Variants in ADAMTS2 observed in about 807,000 individuals in gnomAD.
ADAMTS2 encodes the protein A disintegrin and metalloproteinase with thrombospondin motifs 2.
ADAMTS2 carries 50 observed loss-of-function variants against 123.0 expected under a neutral mutation model. The ratio of observed to expected loss-of-function variants is 0.41; its 90% CI spans 0.32 to 0.51. The LOEUF (loss-of-function observed/expected upper bound fraction) is 0.51, where lower values mean the gene tolerates loss of function less well. ADAMTS2 is among the 20% of genes least tolerant of loss of function. The pLI, the probability that ADAMTS2 is intolerant of heterozygous loss-of-function variation, is 0.35. For missense variants in ADAMTS2, 1,494 were observed against 1,705.2 expected, an observed-to-expected ratio of 0.88 and a Z score of 2.18; for synonymous variants, 678 against 695.4, an observed-to-expected ratio of 0.98 and a Z score of 0.39.
chr5:179,281,149 C>T (rs778773984), intron 2 of ADAMTS2, among the ~76,000 whole-genome samples: 6 of 152,206 alleles, frequency 3.9e-5, no homozygotes, highest in Non-Finnish European at 7.3e-5. Context: ...TAAGCCATGG[C>T]GCCCGGCCAG....
At chr5:179,268,955 C>A (rs1766449132) in intron 3 of ADAMTS2, among the ~76,000 whole-genome samples, 1 of 152,204 alleles carries the variant, frequency 6.6e-6, no homozygotes. Flanking sequence ...GAGACGGGTA[C>A]CTTCTATGGG....
intron 2 of ADAMTS2, among the ~76,000 whole-genome samples, chr5:179,301,597 G>A (rs758421841): frequency 9.5e-4 from 145 of 152,236 alleles, no homozygotes; most frequent in Non-Finnish European, 4.1e-4. Context: ...CCCAGATGCC[G>A]CAGGGAGACA....
chr5:179,185,868 G>A lies in ADAMTS2; in HGVS notation c.892-4713C>T, dbSNP rs551627840. Among the ~76,000 whole-genome samples the A allele has an allele frequency of 6.6e-6, 1 of 152,126 alleles. No homozygotes were observed. Among genetic ancestry groups the A allele is most frequent in the African/African-American group, 2.4e-5 (1 of 41,504 alleles). ...GGAGATTAACTGGGGCTCCCTGGCT[G>A]CTGAGGAGCTAGAGAGGGCATGCCT... is the stretch of plus-strand genomic sequence containing the variant. On this transcript the variant is annotated intron_variant, in intron 4 of 21. Transcript: ENST00000251582. This position sits in a 1 kb window ranked among gnomAD's most constrained non-coding sequence, Gnocchi z 5.9.
Position 179,224,360 on chromosome 5 carries a change from C to T in ADAMTS2, c.689-16645G>A, listed in dbSNP as rs187687663. On this transcript the variant is annotated intron_variant, in intron 3 of 21. Coordinates refer to ENST00000251582, the MANE Select transcript of ADAMTS2 (RefSeq NM_014244.5). ...CACACCACAGCAATTCTCACTCGGG[C>T]CTCCCTGACCCTCGACCTGTGGGTC... is the stretch of plus-strand genomic sequence containing the variant. 5.2e-3 allele frequency among the ~76,000 whole-genome samples: 786 copies of T among 152,332 alleles called. 7 individuals are homozygous for T. Among genetic ancestry groups the T allele is most frequent in the African/African-American group, 0.018 (746 of 41,574 alleles).
At chr5:179,184,379 C>T (rs563089837) in intron 4 of ADAMTS2, among the ~76,000 whole-genome samples, 23 of 152,038 alleles carry the variant, frequency 1.5e-4, no homozygotes, top group Admixed American at 5.2e-4. Flanking sequence ...GGCATGGTGG[C>T]GAGCGCTTGT....
At chr5:179,120,734 G>C (rs1380658752) in intron 21 of ADAMTS2, 1 of 152,284 alleles carries the variant, frequency 6.6e-6, no homozygotes, top group East Asian at 2.0e-4. Flanking sequence ...ACTCCAGTCC[G>C]CGGAGACGGA....
chr5:179,248,416 C>A (rs553399610), intron 3 of ADAMTS2, among the ~76,000 whole-genome samples: 1 of 152,076 alleles, frequency 6.6e-6, no homozygotes, highest in East Asian at 1.9e-4. Context: ...GGACTAAATG[C>A]TGCAATTAAA....
At chr5:179,157,380 C>CTGTGTTTGAGGGGAGTG (rs1763493487) in intron 6 of ADAMTS2, among the ~76,000 whole-genome samples, 1 of 152,240 alleles carries the variant, frequency 6.6e-6, no homozygotes, top group Non-Finnish European at 1.5e-5. Context: ...ACTCTCATCA[C>CTGTGTTTGAGGGGAGTG]ATGGTCAGGG....
chr5:179,324,366 T>C (rs1396099819), intron 2 of ADAMTS2, among the ~76,000 whole-genome samples: 1 of 151,818 alleles, frequency 6.6e-6, no homozygotes, highest in African/African-American at 2.4e-5. Context: ...TTTAAAAGCA[T>C]GTGTATGTTG....
intron 3 of ADAMTS2, among the ~76,000 whole-genome samples, chr5:179,269,810 G>T (rs1241830329): frequency 6.6e-6 from 1 of 152,178 alleles, no homozygotes; most frequent in African/African-American, 2.4e-5. Flanking sequence ...GCCTTGGGAA[G>T]GGCAGAGAAC....
At chr5:179,298,014 C>T (rs1466475398) in intron 2 of ADAMTS2, among the ~76,000 whole-genome samples, 1 of 152,058 alleles carries the variant, frequency 6.6e-6, no homozygotes, top group African/African-American at 2.4e-5. Context: ...CCCCGGGGAC[C>T]TCCACACCCT....
In ADAMTS2 at chr5:179,189,378, C is replaced by G. The variant is rs1238267881; in HGVS notation, c.892-8223G>C. ...TTTTTTTTTTTTTGAGACGGAGTCT[C>G]TCTCTGTTGCCCAGGTTGGAGTGCA... On this transcript the variant is annotated intron_variant, in intron 4 of 21. Transcript: ENST00000251582. This position sits in a 1 kb window ranked among gnomAD's most constrained non-coding sequence, Gnocchi z 4.2. Among the ~76,000 whole-genome samples, 1 of 151,002 alleles carries G rather than the reference C, an allele frequency of 6.6e-6. No homozygotes were observed. Among genetic ancestry groups the G allele is most frequent in the African/African-American group, 2.4e-5 (1 of 41,010 alleles).
Position 179,180,255 on chromosome 5 carries a change from C to T in ADAMTS2, c.975+817G>A, listed in dbSNP as rs561968592. 3.9e-5 allele frequency among the ~76,000 whole-genome samples: 6 copies of T among 152,314 alleles called. No homozygotes were observed. In the South Asian group the frequency reaches 1.2e-3, roughly 32 times the overall value. ...CGTGTTGCCATCCCAGGTCACTGTC[C>T]CTGGCGGCTACACACCCATGCACAC... On this transcript the variant is annotated intron_variant, in intron 5 of 21. Coordinates refer to ENST00000251582, the MANE Select transcript of ADAMTS2 (RefSeq NM_014244.5). The surrounding 1 kb of genome is among the most constrained non-coding windows in gnomAD (Gnocchi z 4.6).
chr5:179,278,833 G>A (rs1055954309), intron 2 of ADAMTS2, among the ~76,000 whole-genome samples: 4 of 151,764 alleles, frequency 2.6e-5, no homozygotes, highest in South Asian at 2.1e-4. Flanking sequence ...GTTACACAAC[G>A]CCTGCCCTGC....
intron 3 of ADAMTS2, among the ~76,000 whole-genome samples, chr5:179,230,680 T>C (rs1765390817): frequency 6.6e-6 from 1 of 152,094 alleles, no homozygotes; most frequent in Non-Finnish European, 1.5e-5. Context: ...ATACCACCAT[T>C]CATGTACTGT....
rs1468605553 is a variant in ADAMTS2 at position 179,234,501 on chromosome 5, G to A, written c.689-26786C>T. Among the ~76,000 whole-genome samples the A allele has an allele frequency of 6.6e-6, 1 of 150,752 alleles. No individual in the cohort carries two copies. Among genetic ancestry groups the A allele is most frequent in the Non-Finnish European group, 1.5e-5 (1 of 67,896 alleles). ...CTTTGACCTCCATGACCATGGACCT[G>A]CTGACAGGTGCCCCCCGACCCACCT... is the stretch of plus-strand genomic sequence containing the variant. On this transcript the variant is annotated intron_variant, in intron 3 of 21. Coordinates refer to ENST00000251582, the MANE Select transcript of ADAMTS2 (RefSeq NM_014244.5). This position sits in a 1 kb window ranked among gnomAD's most constrained non-coding sequence, Gnocchi z 4.7.
In ADAMTS2 at chr5:179,317,661, C is replaced by T. The variant is rs1460255981; in HGVS notation, c.534+26106G>A. Among the ~76,000 whole-genome samples, 1 of 152,200 alleles carries T rather than the reference C, an allele frequency of 6.6e-6. No individual in the cohort carries two copies. Among genetic ancestry groups the T allele is most frequent in the Non-Finnish European group, 1.5e-5 (1 of 68,034 alleles). On this transcript the variant is annotated intron_variant, in intron 2 of 21. Coordinates refer to ENST00000251582, the MANE Select transcript of ADAMTS2 (RefSeq NM_014244.5). The surrounding 1 kb of genome is among the most constrained non-coding windows in gnomAD (Gnocchi z 4.9). ...CACAGAGCATATGTGTGCTGAGGGACACATGCCCCACACAAACGCCCCCAC... is the reference window on the plus strand; with the variant it reads ...CACAGAGCATATGTGTGCTGAGGGATACATGCCCCACACAAACGCCCCCAC...
At chr5:179,311,916 T>C (rs1027634762) in intron 2 of ADAMTS2, among the ~76,000 whole-genome samples, 1 of 152,220 alleles carries the variant, frequency 6.6e-6, no homozygotes, top group Admixed American at 6.5e-5. Flanking sequence ...ACAAGTATCA[T>C]TGAATCATTT....
intron 2 of ADAMTS2, among the ~76,000 whole-genome samples, chr5:179,298,886 G>A (rs2113555435): frequency 6.6e-6 from 1 of 152,290 alleles, no homozygotes; most frequent in African/African-American, 2.4e-5. Flanking sequence ...CAACCACTCG[G>A]AAGTTTTTTC....
Sources: gnomAD v4.1 joint callset for allele counts (sites outside exome capture counted in the v4.1 genomes callset) on GRCh38, gnomAD v4.1.1 for gene constraint, Gnocchi (gnomAD v3.1) non-coding constraint, MANE v1.5 for transcripts, NCBI Gene and HGNC (gene_info 2026-07-23, HGNC 2026-07-21) for gene names.